ZC3H12B: variants seen among roughly 807,000 people sequenced by gnomAD.
ZC3H12B encodes probable ribonuclease ZC3H12B.
Under a neutral mutation model 43.9 loss-of-function variants are expected in ZC3H12B, and 7 were observed. The ratio of observed to expected loss-of-function variants is 0.16; its 90% CI spans 0.09 to 0.30. The LOEUF is 0.30. ZC3H12B is among the 10% of genes least tolerant of loss of function. The pLI, the probability that ZC3H12B is intolerant of heterozygous loss-of-function variation, is 1.00. For missense variants in ZC3H12B, 475 were observed against 670.2 expected, an observed-to-expected ratio of 0.71 and a Z score of 3.22; for synonymous variants, 222 against 241.7, an observed-to-expected ratio of 0.92 and a Z score of 0.76.
the ZC3H12B span, chrX:65,330,985 G>T: frequency 9.2e-6 from 3 of 327,342 alleles, no homozygotes; most frequent in South Asian, 6.6e-5. Flanking sequence ...CTTTCCCTCT[G>T]CATATTGTTC....
the ZC3H12B span, among the ~76,000 whole-genome samples, chrX:65,349,669 G>T: frequency 4.2e-3 from 465 of 111,314 alleles, 2 homozygotes; most frequent in African/African-American, 0.013. Context: ...AAATTATAGG[G>T]TATATCACCA....
chrX:65,214,012 G>C, the ZC3H12B span, among the ~76,000 whole-genome samples: 1 of 110,910 alleles, frequency 9.0e-6, no homozygotes. Flanking sequence ...ACACAATATG[G>C]TGTTCTCTTA....
At chrX:65,460,619 T>C (rs1236941458) in intron 3 of ZC3H12B, among the ~76,000 whole-genome samples, 1 of 112,095 alleles carries the variant, frequency 8.9e-6, no homozygotes, top group Non-Finnish European at 1.9e-5. Context: ...AAGGATTCCC[T>C]ATTGAATAAA....
At chrX:65,169,524 G>A in the ZC3H12B span, among the ~76,000 whole-genome samples, 2 of 111,928 alleles carry the variant, frequency 1.8e-5, no homozygotes, top group African/African-American at 6.5e-5. Flanking sequence ...ATTTGGGGTG[G>A]AGAGTTCTGT....
chrX:65,092,645 T>C, the ZC3H12B span, among the ~76,000 whole-genome samples: 1 of 111,941 alleles, frequency 8.9e-6, no homozygotes, highest in Non-Finnish European at 1.9e-5. Flanking sequence ...TTAAAGTATC[T>C]GGCAGAAGGA....
intron 2 of ZC3H12B, among the ~76,000 whole-genome samples, chrX:65,385,977 G>A (rs762543198): frequency 1.8e-3 from 200 of 112,218 alleles, no homozygotes; most frequent in African/African-American, 5.9e-3. Flanking sequence ...AACCAGTCTT[G>A]CATCCCAGGG....
At chrX:65,306,071 T>A in the ZC3H12B span, among the ~76,000 whole-genome samples, 3 of 112,512 alleles carry the variant, frequency 2.7e-5, no homozygotes, top group Non-Finnish European at 3.8e-5. Context: ...TTCTCTATCA[T>A]GATAAAAATC....
the ZC3H12B span, among the ~76,000 whole-genome samples, chrX:65,106,378 A>G: frequency 8.9e-6 from 1 of 111,773 alleles, no homozygotes; most frequent in Non-Finnish European, 1.9e-5. Flanking sequence ...AGAATTGTAA[A>G]TATGGACATG....
At chrX:65,229,381 A>T in the ZC3H12B span, among the ~76,000 whole-genome samples, 1 of 109,440 alleles carries the variant, frequency 9.1e-6, no homozygotes, top group Non-Finnish European at 1.9e-5. Flanking sequence ...ACAAAAATCA[A>T]TTCAAGATGG....
At chrX:65,326,640 A>G in the ZC3H12B span, among the ~76,000 whole-genome samples, 2 of 111,350 alleles carry the variant, frequency 1.8e-5, no homozygotes, top group Non-Finnish European at 3.8e-5. Context: ...GTATTACTCT[A>G]AAATAGCTAG....
At chrX:65,454,487 T>C (rs758420298) in intron 3 of ZC3H12B, among the ~76,000 whole-genome samples, 88 of 111,735 alleles carry the variant, frequency 7.9e-4, no homozygotes, top group Non-Finnish European at 9.6e-4. Context: ...CTGGGAAGCG[T>C]GAACTGGGTG....
the ZC3H12B span, among the ~76,000 whole-genome samples, chrX:65,163,003 C>T: frequency 6.2e-5 from 7 of 112,277 alleles, no homozygotes; most frequent in South Asian, 7.4e-4. Context: ...CCTTCAGCTG[C>T]AGGTCTGTTG....
At chrX:65,472,471 C>T (rs2067930557) in intron 3 of ZC3H12B, among the ~76,000 whole-genome samples, 1 of 108,420 alleles carries the variant, frequency 9.2e-6, no homozygotes, top group South Asian at 4.0e-4. Context: ...GTTGCCTGTG[C>T]CTCTGGGATC....
the ZC3H12B span, among the ~76,000 whole-genome samples, chrX:65,297,866 C>T: frequency 1.8e-4 from 20 of 111,516 alleles, no homozygotes; most frequent in East Asian, 5.4e-3. Context: ...AACTGATCTG[C>T]AACAAAGCAA....
At chrX:65,235,396 A>G in the ZC3H12B span, among the ~76,000 whole-genome samples, 2 of 111,989 alleles carry the variant, frequency 1.8e-5, no homozygotes, top group African/African-American at 6.5e-5. Context: ...TTTTACTGGC[A>G]TGAGATCCTA....
the ZC3H12B span, among the ~76,000 whole-genome samples, chrX:65,165,062 G>A: frequency 4.5e-5 from 5 of 111,486 alleles, no homozygotes; most frequent in South Asian, 3.7e-4. Flanking sequence ...GTTATATTTC[G>A]ATGTTACAAC....
At chrX:65,479,850 G>T (rs981393546) in intron 3 of ZC3H12B, among the ~76,000 whole-genome samples, 1 of 112,590 alleles carries the variant, frequency 8.9e-6, no homozygotes, top group African/African-American at 3.2e-5. Context: ...GCGGGCCAGA[G>T]CATAGGGGCT....
the ZC3H12B span, among the ~76,000 whole-genome samples, chrX:65,246,030 A>G: frequency 8.9e-6 from 1 of 112,188 alleles, no homozygotes; most frequent in African/African-American, 3.2e-5. Context: ...CTTTCTCCCA[A>G]AAGGTACTTA....
intron 3 of ZC3H12B, chrX:65,469,056 G>A (rs1222653240): frequency 9.0e-6 from 1 of 111,072 alleles, no homozygotes; most frequent in Non-Finnish European, 1.9e-5. Context: ...CTGTTTGGCA[G>A]GCTCTATGAC....
Sources: allele counts gnomAD v4.1 joint callset (sites outside exome capture counted in the v4.1 genomes callset), GRCh38; gene constraint gnomAD v4.1.1; transcripts MANE v1.5; gene names NCBI Gene and HGNC (gene_info 2026-07-23, HGNC 2026-07-21).